The following TMEM120B variants were observed in gnomAD, a reference collection of about 807,000 sequenced individuals.
TMEM120B encodes transmembrane protein 120B.
TMEM120B carries 31 observed loss-of-function variants against 55.5 expected under a neutral mutation model. That is an observed-to-expected ratio of 0.56 (90% CI 0.42 to 0.75). The LOEUF (loss-of-function observed/expected upper bound fraction) is 0.75, where lower values mean the gene tolerates loss of function less well. Among genes scored for constraint, TMEM120B ranks in the 30% least tolerant of loss-of-function variants. The pLI is 0.00. For synonymous variants in TMEM120B, 203 were observed against 176.3 expected (o/e 1.15, Z -1.20); for missense variants, 399 against 425.5 (o/e 0.94, Z 0.55).
chr12:121,743,544 C>A (rs1460140162), intron 1 of TMEM120B, 85 bp from the exon 2 acceptor site: 29 of 1,048,928 alleles, frequency 2.8e-5, no homozygotes, highest in Non-Finnish European at 4.0e-5. Context: ...GGTGACAGAG[C>A]GAGACTCTCT....
intron 1 of TMEM120B, among the ~76,000 whole-genome samples, chr12:121,737,608 T>C (rs1374480409): frequency 1.3e-5 from 2 of 152,136 alleles, no homozygotes; most frequent in Non-Finnish European, 2.9e-5. Context: ...ATTTGCATCA[T>C]GTGACTTCCA....
At position 121,775,745 on chromosome 12, in the gene TMEM120B, G is replaced by A; in HGVS notation, c.*23G>A. 1 of 1,612,550 alleles carries A rather than the reference G, an allele frequency of 6.2e-7. No homozygotes were observed. On this transcript the variant is annotated 3_prime_UTR_variant, in exon 12 of 12. Transcript: ENST00000449592. This position sits in a 1 kb window ranked among gnomAD's most constrained non-coding sequence, Gnocchi z 4.3. Reference sequence around the variant, plus strand: ...TGAGCCTCGGGCTCCTGTGCCCTCGGCCCGGACTTCAGACTGCAGGGGGCT... The same window carrying A: ...TGAGCCTCGGGCTCCTGTGCCCTCGACCCGGACTTCAGACTGCAGGGGGCT...
At chr12:121,729,766 C>T (rs550854039) in intron 1 of TMEM120B, among the ~76,000 whole-genome samples, 1 of 151,904 alleles carries the variant, frequency 6.6e-6, no homozygotes, top group Non-Finnish European at 1.5e-5. Flanking sequence ...GCCACTGCAC[C>T]GCAGCCTGGG....
intron 2 of TMEM120B, among the ~76,000 whole-genome samples, chr12:121,746,679 G>A (rs1289746774): frequency 6.6e-6 from 1 of 152,150 alleles, no homozygotes; most frequent in African/African-American, 2.4e-5. Context: ...AGAAGGCCGG[G>A]CGTGGTGGCT....
intron 6 of TMEM120B, among the ~76,000 whole-genome samples, chr12:121,769,005 G>A (rs1288490449): frequency 6.6e-6 from 1 of 152,136 alleles, no homozygotes; most frequent in Non-Finnish European, 1.5e-5. Flanking sequence ...AATTAGCCAG[G>A]TGTGGTGGCA....
At chr12:121,761,766 G>T (rs1873686408) in intron 6 of TMEM120B, 28 bp downstream of exon 6, 1 of 1,580,602 alleles carries the variant, frequency 6.3e-7, no homozygotes, top group South Asian at 1.1e-5. Context: ...TTTGTGGGGA[G>T]CACAAGAGGA....
rs188792823 is a variant in TMEM120B, at chr12:121,781,133, T to G, written c.*5411T>G. ...GTGGGATTCATGACGTCATAGCAGA[T>G]GAGCACGAGGTGGGTGTTCTGGTAG... is the stretch of plus-strand genomic sequence containing the variant. On this transcript the variant is annotated 3_prime_UTR_variant, in exon 12 of 12. Coordinates refer to ENST00000449592, the MANE Select transcript of TMEM120B (RefSeq NM_001080825.2). The G allele has an allele frequency of 6.2e-7, 1 of 1,614,170 alleles. No individual in the cohort carries two copies. Among genetic ancestry groups the G allele is most frequent in the East Asian group, 2.2e-5 (1 of 44,888 alleles).
At chr12:121,739,981 G>A (rs1872884643) in intron 1 of TMEM120B, among the ~76,000 whole-genome samples, 1 of 151,772 alleles carries the variant, frequency 6.6e-6, no homozygotes, top group African/African-American at 2.4e-5. Flanking sequence ...GTTTCACCAT[G>A]TTGGTCAGCC....
intron 5 of TMEM120B, among the ~76,000 whole-genome samples, chr12:121,756,770 T>C (rs1275249065): frequency 6.6e-6 from 1 of 152,236 alleles, no homozygotes; most frequent in Non-Finnish European, 1.5e-5. Context: ...CACACCTTGC[T>C]GAACCTTTGC....
Position 121,776,150 on chromosome 12 carries a change from T to C in TMEM120B, c.*428T>C, listed in dbSNP as rs1217867494. 2.6e-6 allele frequency: 1 copy of C among 387,104 alleles called. No homozygotes were observed. The highest frequency in any genetic ancestry group is 4.2e-5 in the East Asian group (1 of 23,726). The allele number at this position is 387,104 out of a possible 1,614,324, so 24.0% of individuals were successfully genotyped here. The stretch of plus-strand genomic sequence containing the variant: ...AGGCTGGGGTGGTGTGAACCCTCAG[T>C]GTCCTGTGGCGCCCCCACCCCGGGG... On this transcript the variant is annotated 3_prime_UTR_variant, in exon 12 of 12. Transcript: ENST00000449592.
At position 121,779,882 on chromosome 12, in the gene TMEM120B, C is replaced by A. The variant is rs1044313377; in HGVS notation, c.*4160C>A. 2 of 550,986 alleles carry A rather than the reference C, an allele frequency of 3.6e-6. No individual in the cohort carries two copies. The highest frequency in any genetic ancestry group is 6.5e-6 in the Non-Finnish European group (2 of 308,742). 34.1% of individuals were successfully genotyped at this position (550,986 alleles called of 1,614,324 possible). A position where few individuals can be genotyped will look rare whatever the true frequency, so the allele number is the denominator to read the frequency against. On this transcript the variant is annotated 3_prime_UTR_variant, in exon 12 of 12. Transcript: ENST00000449592. ...TTGGAAGAAGCCCTGTCCAGGCCCCCACCCTGGCCTCTCTCCAGCTCCGGG... is the reference window on the plus strand; with the variant it reads ...TTGGAAGAAGCCCTGTCCAGGCCCCAACCCTGGCCTCTCTCCAGCTCCGGG...
At chr12:121,732,856 G>A (rs549181486) in intron 1 of TMEM120B, among the ~76,000 whole-genome samples, 1 of 152,082 alleles carries the variant, frequency 6.6e-6, no homozygotes, top group Non-Finnish European at 1.5e-5. Context: ...GCACGTGCCT[G>A]TAGTCCCAGC....
At position 121,780,722 on chromosome 12, in the gene TMEM120B, G is replaced by A; in HGVS notation, c.*5000G>A. 1.1e-6 allele frequency: 1 copy of A among 886,478 alleles called. No homozygotes were observed. The highest frequency in any genetic ancestry group is 1.7e-6 in the Non-Finnish European group (1 of 596,466). The allele number at this position is 886,478 out of a possible 1,614,324, so 54.9% of individuals were successfully genotyped here. The stretch of plus-strand genomic sequence containing the variant: ...GTCGTGTAAAGTGCTCAGGTCCACA[G>A]GCCATCAATACTAATAGTTAAAAAT... On this transcript the variant is annotated 3_prime_UTR_variant, in exon 12 of 12. Transcript: ENST00000449592.
At chr12:121,719,718 G>T (rs1226848242) in intron 1 of TMEM120B, among the ~76,000 whole-genome samples, 1 of 152,030 alleles carries the variant, frequency 6.6e-6, no homozygotes, top group Non-Finnish European at 1.5e-5. Flanking sequence ...TTTTGAGACG[G>T]AGTTTTGCTC....
At chr12:121,746,007 C>A (rs1317224589) in intron 2 of TMEM120B, among the ~76,000 whole-genome samples, 1 of 143,522 alleles carries the variant, frequency 7.0e-6, no homozygotes, top group Non-Finnish European at 1.5e-5. Context: ...ATTATAGGGG[C>A]CTGCCACCAC....
chr12:121,773,493 A>G lies in TMEM120B; in HGVS notation c.752A>G (p.Asn251Ser), dbSNP rs1351697356. 3 of 1,603,206 alleles carry G rather than the reference A, an allele frequency of 1.9e-6. No homozygotes were observed. The highest frequency in any genetic ancestry group is 1.7e-5 in the Admixed American group (1 of 58,852). Residue 251 changes from asparagine to serine, a missense_variant, in exon 9 of 12, where the codon AAC becomes AGC. Physicochemically the swap from Asn to Ser is conservative, Grantham distance 46. Around this residue, in one of 3 missense-constraint regions of TMEM120B, gnomAD observed 260 missense variants for 303.9 expected, o/e 0.86. Coordinates refer to ENST00000449592, the MANE Select transcript of TMEM120B (RefSeq NM_001080825.2). ...LYRLRALGERNHLDLTVEGFQ... is the reference protein window; with the variant it reads ...LYRLRALGERSHLDLTVEGFQ... Reference sequence around the variant, plus strand: ...CGGCTGCGGGCCCTGGGGGAGAGGAACCACCTGGATCTCACAGTGGGTGAG... The same window carrying G: ...CGGCTGCGGGCCCTGGGGGAGAGGAGCCACCTGGATCTCACAGTGGGTGAG...
chr12:121,733,744 G>T (rs1481954012), intron 1 of TMEM120B, among the ~76,000 whole-genome samples: 1 of 148,794 alleles, frequency 6.7e-6, no homozygotes, highest in Non-Finnish European at 1.5e-5. Flanking sequence ...CGCCATGTAG[G>T]CCAGGCTGGT....
Position 121,743,767 on chromosome 12 carries a change from G to C in TMEM120B, c.188+20G>C. 2 of 1,546,768 alleles carry C rather than the reference G, an allele frequency of 1.3e-6. No homozygotes were observed. The highest frequency in any genetic ancestry group is 1.8e-6 in the Non-Finnish European group (2 of 1,122,120). ...CCAGAGGTAGGTGCAGCTGTAGCCC[G>C]GGGGCTGCCCTGGTTCTGAGGGACA... is the stretch of plus-strand genomic sequence containing the variant. On this transcript the variant is annotated intron_variant, in intron 2 of 11. Transcript: ENST00000449592.
chr12:121,772,504 C>T (rs1353913939), intron 8 of TMEM120B, among the ~76,000 whole-genome samples: 4 of 148,492 alleles, frequency 2.7e-5, no homozygotes, highest in African/African-American at 1.0e-4. Flanking sequence ...GTTGTGATCT[C>T]GGCTCACTGC....
Sources: allele counts gnomAD v4.1 joint callset (sites outside exome capture counted in the v4.1 genomes callset), GRCh38; gene constraint gnomAD v4.1.1; regional missense constraint gnomAD v4.1.1; non-coding constraint Gnocchi (gnomAD v3.1); transcripts MANE v1.5; gene names NCBI Gene and HGNC (gene_info 2026-07-23, HGNC 2026-07-21).